GPC6: variants seen among roughly 807,000 people sequenced by gnomAD.
The protein encoded by GPC6 is glypican 6, also known as glypican-6.
In GPC6, 14 loss-of-function variants were observed where a neutral mutation model predicts 55.2. That is an observed-to-expected ratio of 0.25 (90% confidence interval 0.17 to 0.40). GPC6 has a LOEUF of 0.40. GPC6 is among the 10% of genes least tolerant of loss of function. The pLI is 1.00. For synonymous variants in GPC6, 278 were observed against 259.6 expected (o/e 1.07, Z -0.68); for missense variants, 641 against 708.5 (o/e 0.90, Z 1.08).
chr13:93,455,481 C>T (rs1189648457), intron 1 of GPC6, among the ~76,000 whole-genome samples: 4 of 151,900 alleles, frequency 2.6e-5, no homozygotes, highest in African/African-American at 9.7e-5. Flanking sequence ...ATGTCACCTG[C>T]CTGTCTCCCC....
chr13:93,866,819 T>C (rs983399264), intron 3 of GPC6, among the ~76,000 whole-genome samples: 1 of 151,712 alleles, frequency 6.6e-6, no homozygotes, highest in Non-Finnish European at 1.5e-5. Context: ...AAACCCCCAT[T>C]ACGTATGTTT....
At chr13:93,703,033 A>G (rs1882725699) in intron 2 of GPC6, among the ~76,000 whole-genome samples, 2 of 151,998 alleles carry the variant, frequency 1.3e-5, no homozygotes, top group South Asian at 4.1e-4. Flanking sequence ...AGCTGTCACA[A>G]GAGACCTAGT....
At chr13:94,077,442 T>A (rs1462117944) in intron 4 of GPC6, among the ~76,000 whole-genome samples, 1 of 151,916 alleles carries the variant, frequency 6.6e-6, no homozygotes, top group African/African-American at 2.4e-5. Context: ...AAGTTTTTCC[T>A]TTCCAATTGG....
intron 2 of GPC6, among the ~76,000 whole-genome samples, chr13:93,653,575 CGT>C (rs55845007): frequency 0.22 from 32,431 of 145,566 alleles, 4,131 homozygotes; most frequent in Non-Finnish European, 0.28. Flanking sequence ...AGTATATGGC[CGT>C]GTGTGTGTGT....
At chr13:93,390,147 T>C (rs1875562395) in intron 1 of GPC6, among the ~76,000 whole-genome samples, 1 of 149,130 alleles carries the variant, frequency 6.7e-6, no homozygotes, top group Admixed American at 6.8e-5. Context: ...AAGGAGAAGA[T>C]AGATGAGGTG....
chr13:93,889,249 C>A (rs778757867), intron 3 of GPC6, among the ~76,000 whole-genome samples: 1 of 152,102 alleles, frequency 6.6e-6, no homozygotes, highest in Non-Finnish European at 1.5e-5. Context: ...CACTTTAATA[C>A]AGCCTGTCAG....
intron 1 of GPC6, among the ~76,000 whole-genome samples, chr13:93,253,065 A>G (rs948092315): frequency 1.3e-5 from 2 of 152,180 alleles, no homozygotes; most frequent in Non-Finnish European, 2.9e-5. Flanking sequence ...TCTGTTTTAT[A>G]TAGGTATATG....
At chr13:93,577,159 T>G (rs752499697) in intron 2 of GPC6, among the ~76,000 whole-genome samples, 5 of 152,116 alleles carry the variant, frequency 3.3e-5, no homozygotes, top group Non-Finnish European at 7.4e-5. Flanking sequence ...ACAAAAGTTA[T>G]GGGGAGCAAC....
chr13:93,452,012 T>G (rs985005113), intron 1 of GPC6, among the ~76,000 whole-genome samples: 1 of 152,200 alleles, frequency 6.6e-6, no homozygotes, highest in Non-Finnish European at 1.5e-5. Context: ...AAATGCTTTC[T>G]CTGGGTCGCT....
At chr13:93,324,952 A>G (rs1286259885) in intron 1 of GPC6, among the ~76,000 whole-genome samples, 1 of 152,074 alleles carries the variant, frequency 6.6e-6, no homozygotes, top group Non-Finnish European at 1.5e-5. Context: ...TTAAGACTCA[A>G]CTGGAGCCAG....
intron 1 of GPC6, among the ~76,000 whole-genome samples, chr13:93,527,164 C>T (rs934587614): frequency 5.3e-5 from 8 of 152,036 alleles, no homozygotes; most frequent in African/African-American, 9.6e-5. Context: ...AGCAACTTAT[C>T]GTTAGCAGTC....
chr13:93,384,556 G>A (rs1384004334), intron 1 of GPC6, among the ~76,000 whole-genome samples: 1 of 152,120 alleles, frequency 6.6e-6, no homozygotes, highest in African/African-American at 2.4e-5. Flanking sequence ...CCTATACAAA[G>A]ATCTGTAACT....
chr13:93,915,829 T>C (rs147713023), intron 3 of GPC6, among the ~76,000 whole-genome samples: 1 of 152,316 alleles, frequency 6.6e-6, no homozygotes, highest in African/African-American at 2.4e-5. Context: ...AAGCCATGCC[T>C]CTCTCCTTTT....
chr13:94,335,331 A>G (rs2139147779), intron 6 of GPC6, among the ~76,000 whole-genome samples: 1 of 152,354 alleles, frequency 6.6e-6, no homozygotes, highest in South Asian at 2.1e-4. Flanking sequence ...AAGTAGACAA[A>G]GTAAACCATG....
chr13:94,328,590 G>A (rs1304380923), intron 6 of GPC6, among the ~76,000 whole-genome samples: 2 of 152,246 alleles, frequency 1.3e-5, no homozygotes, highest in Non-Finnish European at 2.9e-5. Context: ...CAGACGTGAA[G>A]AGAGACCCCA....
At chr13:93,668,629 G>A (rs2139623153) in intron 2 of GPC6, among the ~76,000 whole-genome samples, 1 of 152,258 alleles carries the variant, frequency 6.6e-6, no homozygotes, top group African/African-American at 2.4e-5. Flanking sequence ...ATGTGAATAT[G>A]GAAGCAGACA....
intron 3 of GPC6, among the ~76,000 whole-genome samples, chr13:93,866,534 A>G (rs963232667): frequency 1.3e-5 from 2 of 151,862 alleles, no homozygotes; most frequent in South Asian, 4.1e-4. Flanking sequence ...AATACTGTGC[A>G]GCCATAAAAA....
At position 94,325,059 on chromosome 13, in the gene GPC6, G is replaced by A. The variant is rs1324776902; in HGVS notation, c.1152+18936G>A. Among the ~76,000 whole-genome samples the A allele has an allele frequency of 7.9e-5, 12 of 151,978 alleles. No homozygotes were observed. In the East Asian group the frequency reaches 1.4e-3, roughly 17 times the overall value. On this transcript the variant is annotated intron_variant, in intron 6 of 8. Transcript: ENST00000377047. ...AACAAGAGGTGAACAGACATTTTAG[G>A]GATTTACTGCTATTTTGTCTCTTCT...
chr13:93,513,626 T>C (rs1439428038), intron 1 of GPC6, among the ~76,000 whole-genome samples: 2 of 152,224 alleles, frequency 1.3e-5, no homozygotes, highest in Non-Finnish European at 2.9e-5. Context: ...TTTAGGCAAT[T>C]ACTCAATAAC....
Sources: gnomAD v4.1 joint callset for allele counts (sites outside exome capture counted in the v4.1 genomes callset) on GRCh38, gnomAD v4.1.1 for gene constraint, MANE v1.5 for transcripts, NCBI Gene and HGNC (gene_info 2026-07-23, HGNC 2026-07-21) for gene names.